LDLRAD1: variants seen among roughly 807,000 people sequenced by gnomAD.
LDLRAD1 encodes the protein low-density lipoprotein receptor class A domain-containing protein 1.
A neutral mutation model predicts 24.8 loss-of-function variants in LDLRAD1; 17 were observed. The ratio of observed to expected loss-of-function variants is 0.69; its 90% confidence interval spans 0.47 to 1.03. LDLRAD1 has a LOEUF of 1.03. Ranked by LOEUF, LDLRAD1 falls within the 50% of genes least tolerant of loss-of-function variation. LDLRAD1 has a pLI of 0.00. For missense variants in LDLRAD1, 277 were observed against 271.0 expected, an observed-to-expected ratio of 1.02 and a Z score of -0.16; for synonymous variants, 103 against 108.2, an observed-to-expected ratio of 0.95 and a Z score of 0.30.
intron 1 of LDLRAD1, 99 bp downstream of exon 1, chr1:54,017,993 G>C: frequency 1.8e-6 from 2 of 1,120,456 alleles, no homozygotes; most frequent in Admixed American, 1.7e-5. Flanking sequence ...CTCTTACTTG[G>C]AGACAACTCT....
chr1:54,015,390 C>T (rs1387447366), intron 2 of LDLRAD1, among the ~76,000 whole-genome samples: 2 of 152,282 alleles, frequency 1.3e-5, no homozygotes, highest in East Asian at 3.9e-4. Context: ...TTTAATTCTC[C>T]CCTGCTTACA....
chr1:54,012,916 G>A (rs564148976), intron 3 of LDLRAD1, among the ~76,000 whole-genome samples: 2 of 152,264 alleles, frequency 1.3e-5, no homozygotes, highest in African/African-American at 2.4e-5. Flanking sequence ...AGAAACCTAC[G>A]GACAAGGTAG....
chr1:54,009,907 C>A (rs1327810509), intron 5 of LDLRAD1, among the ~76,000 whole-genome samples: 1 of 152,180 alleles, frequency 6.6e-6, no homozygotes, highest in African/African-American at 2.4e-5. Flanking sequence ...TACTTACATA[C>A]AAATTGGGGC....
Position 54,007,745 on chromosome 1 carries a change from C to G in LDLRAD1, c.*1237G>C, listed in dbSNP as rs1273226853. On this transcript the variant is annotated 3_prime_UTR_variant, in exon 6 of 6. Transcript: ENST00000371360. The stretch of plus-strand genomic sequence containing the variant: ...CATAGGCATGAGCCAGTGCACCTGA[C>G]AAGCTCACTTTTAAAATACCCCGCA... 3.3e-5 allele frequency: 5 copies of G among 152,328 alleles called. No homozygotes were observed. The highest frequency in any genetic ancestry group is 1.2e-4 in the African/African-American group (5 of 41,468). 9.4% of individuals were successfully genotyped at this position (152,328 alleles called of 1,614,324 possible). A position where few individuals can be genotyped will look rare whatever the true frequency, so the allele number is the denominator to read the frequency against.
chr1:54,013,288 G>A (rs1295084894), intron 3 of LDLRAD1, among the ~76,000 whole-genome samples: 1 of 152,110 alleles, frequency 6.6e-6, no homozygotes, highest in Non-Finnish European at 1.5e-5. Flanking sequence ...ACAGGCTCTT[G>A]ACTGCAGCTG....
chr1:54,012,085 C>T, intron 4 of LDLRAD1, 58 bp downstream of exon 4: 1 of 1,599,086 alleles, frequency 6.3e-7, no homozygotes, highest in South Asian at 1.1e-5. Flanking sequence ...GTATGGATGC[C>T]AAGAGCATCG....
chr1:54,014,447 C>T (rs1288853364), intron 2 of LDLRAD1, 83 bp from the exon 3 acceptor site: 17 of 1,325,278 alleles, frequency 1.3e-5, no homozygotes, highest in South Asian at 2.6e-5. Context: ...CCGCCCTGCC[C>T]GCTGCAAGCA....
intron 2 of LDLRAD1, among the ~76,000 whole-genome samples, chr1:54,016,626 G>A (rs1473978279): frequency 3.3e-5 from 5 of 152,140 alleles, no homozygotes; most frequent in Non-Finnish European, 1.5e-5. Context: ...AAAAGCCCTG[G>A]GGCTTTGTAA....
rs563906482 is a variant in LDLRAD1 at position 54,008,738 on chromosome 1, C to T, written c.*244G>A. ...CTAATTTTTGTATTTTTGGTAGAGA[C>T]GGGGTTCCACCACATCATCTTTGTT... On this transcript the variant is annotated 3_prime_UTR_variant, in exon 6 of 6. Transcript: ENST00000371360. 7.0e-5 allele frequency: 30 copies of T among 425,642 alleles called. No homozygotes were observed. The highest frequency in any genetic ancestry group is 2.0e-4 in the African/African-American group (10 of 49,596). The allele number at this position is 425,642 out of a possible 1,614,324, so 26.4% of individuals were successfully genotyped here. A position where few individuals can be genotyped will look rare whatever the true frequency, so the allele number is the denominator to read the frequency against.
Position 54,018,085 on chromosome 1 carries a change from C to T in LDLRAD1, c.21+7G>A. The stretch of plus-strand genomic sequence containing the variant: ...GGAGACAACTCTCACCTGGGGACAG[C>T]TCTCACCTGGGGGAAGACCTTGTTC... On this transcript the variant is annotated splice_region_variant and intron_variant, in intron 1 of 5. Coordinates refer to ENST00000371360, the MANE Select transcript of LDLRAD1 (RefSeq NM_001010978.4). 1 of 1,612,698 alleles carries T rather than the reference C, an allele frequency of 6.2e-7. No individual in the cohort carries two copies. The highest frequency in any genetic ancestry group is 8.5e-7 in the Non-Finnish European group (1 of 1,178,786).
In LDLRAD1 at chr1:54,014,354, G is replaced by A; in HGVS notation, c.84C>T (p.Gly28=). Residue 28 remains glycine (G), a synonymous_variant, in exon 3 of 6, where the codon GGC becomes GGT. Transcript: ENST00000371360. ...CCCCGCGACGTGAGCAGCAGAGGTG[G>A]CCGCCGCCTGCTGTGTGGGGGGGAA... ...KAHPGGEAGG[G]HLCCSRRGAC... is the part of the protein sequence containing the mutation. 6.7e-7 allele frequency: 1 copy of A among 1,496,134 alleles called. No homozygotes were observed. Among genetic ancestry groups the A allele is most frequent in the Non-Finnish European group, 9.0e-7 (1 of 1,115,012 alleles). 92.7% of individuals were successfully genotyped at this position (1,496,134 alleles called of 1,614,324 possible). A position where few individuals can be genotyped will look rare whatever the true frequency, so the allele number is the denominator to read the frequency against.
intron 5 of LDLRAD1, among the ~76,000 whole-genome samples, chr1:54,009,558 G>A (rs547868640): frequency 3.3e-5 from 5 of 152,218 alleles, no homozygotes; most frequent in South Asian, 4.2e-4. Context: ...ACTGAAACCC[G>A]TCTATTCTTG....
At position 54,016,596 on chromosome 1, in the gene LDLRAD1, A is replaced by G. The variant is rs565740072; in HGVS notation, c.73+780T>C. ...CATGAGTCAGGACTTAGAAATAAACAAACACCAGCTCGGAGCAACAAAAGC... is the reference window on the plus strand; with the variant it reads ...CATGAGTCAGGACTTAGAAATAAACGAACACCAGCTCGGAGCAACAAAAGC... On this transcript the variant is annotated intron_variant, in intron 2 of 5. Transcript: ENST00000371360. 3.3e-3 allele frequency among the ~76,000 whole-genome samples: 496 copies of G among 152,314 alleles called. 8 individuals are homozygous for G. The highest frequency in any genetic ancestry group is 1.1e-3 in the Non-Finnish European group (73 of 68,016).
At chr1:54,015,447 GTGCAGCTTGCCCTGGTCCTTGCCCTC>G (rs1369007330) in intron 2 of LDLRAD1, among the ~76,000 whole-genome samples, 31 of 152,186 alleles carry the variant, frequency 2.0e-4, no homozygotes, top group African/African-American at 7.5e-4. Context: ...GTGCCCTGCT[GTGCAGCTTGCCCTGGTCCTTGCCCTC>G]TGCAGCTTGT....
At position 54,008,799 on chromosome 1, in the gene LDLRAD1, T is replaced by C. The variant is rs6672989; in HGVS notation, c.*183A>G. On this transcript the variant is annotated 3_prime_UTR_variant, in exon 6 of 6. Coordinates refer to ENST00000371360, the MANE Select transcript of LDLRAD1 (RefSeq NM_001010978.4). The stretch of plus-strand genomic sequence containing the variant: ...TAACATGGTAATGAGCTCCTGGTCA[T>C]TGGAAGCATTCAAGCAGAGGCTGAA... 221,690 of 575,130 alleles carry C rather than the reference T, an allele frequency of 0.39. 45,377 individuals carry two copies. Among genetic ancestry groups the C allele is most frequent in the East Asian group, 0.55 (18,101 of 33,066 alleles). The allele number at this position is 575,130 out of a possible 1,614,324, so 35.6% of individuals were successfully genotyped here.
Position 54,009,033 on chromosome 1 carries a change from A to T in LDLRAD1, c.567T>A (p.His189Gln). 1 of 1,614,040 alleles carries T rather than the reference A, an allele frequency of 6.2e-7. No homozygotes were observed. Among genetic ancestry groups the T allele is most frequent in the Non-Finnish European group, 8.5e-7 (1 of 1,180,000 alleles). The change falls in exon 6 of 6, where the codon CAT becomes CAA. Residue 189 changes from histidine (H) to glutamine (Q), a missense_variant. By Grantham distance (24) the His-to-Gln change is conservative (BLOSUM62 0). Coordinates refer to ENST00000371360, the MANE Select transcript of LDLRAD1 (RefSeq NM_001010978.4). ...DCIPRHLCRD[H>Q]VQHCSDWSDE... ...CGGACCAGTCGGAGCAGTGCTGTAC[A>T]TGGTCGCGGCAGAGATGCCTCGGTA...
rs1031915450 is a variant in LDLRAD1, at chr1:54,014,372, G to C, written c.74-8C>G. 8 of 1,540,418 alleles carry C rather than the reference G, an allele frequency of 5.2e-6. No individual in the cohort carries two copies. In the African/African-American group the frequency reaches 8.3e-5, roughly 16 times the overall value. ...AGAGGTGGCCGCCGCCTGCTGTGTG[G>C]GGGGGAAACAAGCCCGGGGGTGGTG... On this transcript the variant is annotated splice_region_variant and splice_polypyrimidine_tract_variant and intron_variant, in intron 2 of 5. Coordinates refer to ENST00000371360, the MANE Select transcript of LDLRAD1 (RefSeq NM_001010978.4).
intron 3 of LDLRAD1, among the ~76,000 whole-genome samples, chr1:54,013,208 GACAC>G (rs1208951783): frequency 9.2e-5 from 14 of 152,066 alleles, no homozygotes; most frequent in Non-Finnish European, 1.3e-4. Context: ...CACACGCACT[GACAC>G]ACAGACATGA....
At chr1:54,014,665 A>G (rs1307492196) in intron 2 of LDLRAD1, among the ~76,000 whole-genome samples, 1 of 151,586 alleles carries the variant, frequency 6.6e-6, no homozygotes, top group African/African-American at 2.4e-5. Context: ...GCAGGGAGAG[A>G]TGGACGCCTG....
Sources: gnomAD v4.1 joint callset for allele counts (sites outside exome capture counted in the v4.1 genomes callset) on GRCh38, gnomAD v4.1.1 for gene constraint, MANE v1.5 for transcripts, NCBI Gene and HGNC (gene_info 2026-07-23, HGNC 2026-07-21) for gene names.